Variants in IPO8 observed in about 807,000 individuals in gnomAD.
IPO8 encodes importin 8.
In IPO8, 65 loss-of-function variants were observed where a neutral mutation model predicts 141.2. That is an observed-to-expected ratio of 0.46 (90% CI 0.38 to 0.57). The LOEUF is 0.57. Among genes scored for constraint, IPO8 ranks in the 20% least tolerant of loss-of-function variants. IPO8 has a pLI of 0.00. For missense variants in IPO8, 980 were observed against 1,246.8 expected, an observed-to-expected ratio of 0.79 and a Z score of 3.22; for synonymous variants, 411 against 420.3, an observed-to-expected ratio of 0.98 and a Z score of 0.27.
chr12:30,644,053 A>T (rs1274944392), intron 20 of IPO8, among the ~76,000 whole-genome samples: 2 of 152,216 alleles, frequency 1.3e-5, no homozygotes, highest in East Asian at 3.8e-4. Context: ...ACATAATAAC[A>T]AAGGGAGAAA....
chr12:30,693,201 C>G (rs1224799528), intron 1 of IPO8, among the ~76,000 whole-genome samples: 1 of 152,176 alleles, frequency 6.6e-6, no homozygotes, highest in Non-Finnish European at 1.5e-5. Context: ...ATTCCTATTC[C>G]TCTATGCTGC....
chr12:30,662,252 A>T (rs1478594844), intron 15 of IPO8, 75 bp downstream of exon 15: 1 of 1,188,518 alleles, frequency 8.4e-7, no homozygotes, highest in Non-Finnish European at 1.2e-6. Flanking sequence ...AATAAAACTG[A>T]ACTCCATATT....
chr12:30,691,502 C>T (rs2053290835), intron 1 of IPO8, among the ~76,000 whole-genome samples: 1 of 152,208 alleles, frequency 6.6e-6, no homozygotes, highest in South Asian at 2.1e-4. Flanking sequence ...TACAGAGCAT[C>T]CACTCCTTCT....
At chr12:30,656,484 T>C (rs1442958231) in intron 17 of IPO8, among the ~76,000 whole-genome samples, 200 bp downstream of exon 17, 2 of 152,194 alleles carry the variant, frequency 1.3e-5, no homozygotes, top group Non-Finnish European at 2.9e-5. Context: ...TCAAAAATTA[T>C]TCGTTGGATG....
At chr12:30,671,680 A>G (rs1476494496) in intron 8 of IPO8, among the ~76,000 whole-genome samples, 5 of 149,784 alleles carry the variant, frequency 3.3e-5, no homozygotes, top group African/African-American at 2.4e-5. Context: ...GCCTCAAAAA[A>G]AAAAAAAAAA....
intron 17 of IPO8, 126 bp downstream of exon 17, chr12:30,656,558 G>A (rs7974489): frequency 0.96 from 488,027 of 507,938 alleles, 234,576 homozygotes; most frequent in East Asian, 1. Flanking sequence ...TCCAAAAATT[G>A]AAGTGATTAT....
intron 17 of IPO8, 32 bp downstream of exon 17, chr12:30,656,652 A>G (rs963641966): frequency 1.2e-5 from 16 of 1,373,178 alleles, no homozygotes; most frequent in African/African-American, 1.5e-5. Flanking sequence ...AAATTTTTTC[A>G]ATTTATCTTT....
In IPO8 at chr12:30,630,656, T is replaced by G. The variant is rs1323652870; in HGVS notation, c.*204A>C. 7.7e-6 allele frequency: 4 copies of G among 519,872 alleles called. No homozygotes were observed. The highest frequency in any genetic ancestry group is 3.9e-5 in the African/African-American group (2 of 50,988). The allele number at this position is 519,872 out of a possible 1,614,324, so 32.2% of individuals were successfully genotyped here. On this transcript the variant is annotated 3_prime_UTR_variant, in exon 25 of 25. Coordinates refer to ENST00000256079, the MANE Select transcript of IPO8 (RefSeq NM_006390.4). ...TGATTGTTTTTCTTTCATTTCATAC[T>G]TACAGTAGCTGTTTAAAATATATAT...
intron 24 of IPO8, 174 bp downstream of exon 24, chr12:30,631,721 A>G (rs2136120958): frequency 1.8e-6 from 1 of 541,472 alleles, no homozygotes; most frequent in South Asian, 2.4e-5. Context: ...TGCAAAGCTA[A>G]GACATCATGA....
intron 5 of IPO8, 93 bp downstream of exon 5, chr12:30,680,389 A>C (rs532289554): frequency 2.1e-6 from 2 of 965,894 alleles, no homozygotes; most frequent in Non-Finnish European, 3.0e-6. Context: ...AATACAAAAT[A>C]ATTTTTAATA....
intron 2 of IPO8, 144 bp downstream of exon 2, chr12:30,690,352 T>C: frequency 1.7e-6 from 1 of 576,014 alleles, no homozygotes; most frequent in Non-Finnish European, 3.0e-6. Context: ...AAAAAGAAAG[T>C]GAGTTTTGAA....
rs1305476143 is a variant in IPO8 at position 30,630,770 on chromosome 12, A to G, written c.*90T>C. On this transcript the variant is annotated 3_prime_UTR_variant, in exon 25 of 25. Transcript: ENST00000256079. ...ACTGGCACAGCAGGAGGGCCCTAAA[A>G]GCAGCCCCTCATTTCATCCCCTTGA... The G allele has an allele frequency of 3.0e-6, 3 of 1,012,814 alleles. No individual in the cohort carries two copies. In the East Asian group the frequency reaches 7.2e-5, roughly 24 times the overall value. The allele number at this position is 1,012,814 out of a possible 1,614,324, so 62.7% of individuals were successfully genotyped here. A position where few individuals can be genotyped will look rare whatever the true frequency, so the allele number is the denominator to read the frequency against.
rs887838421 is a variant in IPO8, at chr12:30,637,528, G to T, written c.2490-341C>A. ...GACAGCATAAAAGTCCTATACAATG[G>T]TTGGGGGGAATGAAGAGTTTCTTAG... On this transcript the variant is annotated intron_variant, in intron 21 of 24. Transcript: ENST00000256079. Among the ~76,000 whole-genome samples, 4 of 152,226 alleles carry T rather than the reference G, an allele frequency of 2.6e-5. No homozygotes were observed. The East Asian group carries it at 7.7e-4, about 29-fold the overall frequency.
intron 9 of IPO8, 104 bp from the exon 10 acceptor site, chr12:30,669,386 C>T (rs1391205966): frequency 1.9e-6 from 1 of 530,558 alleles, no homozygotes; most frequent in East Asian, 3.0e-5. Flanking sequence ...TGTTAGTTTT[C>T]CAAACTCTGT....
In IPO8 at chr12:30,675,494, A is replaced by T. The variant is rs554265385; in HGVS notation, c.730-741T>A. Among the ~76,000 whole-genome samples, 592 of 152,264 alleles carry T rather than the reference A, an allele frequency of 3.9e-3. 1 individual carries two copies. The highest frequency in any genetic ancestry group is 5.6e-3 in the Non-Finnish European group (380 of 68,016). ...TTCTTAAGAGTTAAAACACTAAAAA[A>T]TTAAAGCCTAAACATCCAGCAAGTA... On this transcript the variant is annotated intron_variant, in intron 6 of 24. Coordinates refer to ENST00000256079, the MANE Select transcript of IPO8 (RefSeq NM_006390.4).
At chr12:30,646,230 T>A (rs890493360) in intron 20 of IPO8, among the ~76,000 whole-genome samples, 3 of 152,174 alleles carry the variant, frequency 2.0e-5, no homozygotes, top group Non-Finnish European at 4.4e-5. Context: ...ATGTAATACA[T>A]CTCTATTCTA....
intron 6 of IPO8, among the ~76,000 whole-genome samples, chr12:30,675,768 C>T (rs1319579318): frequency 2.0e-5 from 3 of 149,616 alleles, no homozygotes; most frequent in African/African-American, 4.9e-5. Context: ...GGTGTGAACC[C>T]GGGAGGCGGA....
At chr12:30,665,376 T>A in intron 12 of IPO8, 67 bp from the exon 13 acceptor site, 1 of 903,674 alleles carries the variant, frequency 1.1e-6, no homozygotes, top group Non-Finnish European at 1.8e-6. Flanking sequence ...CCTAATCAAG[T>A]GTGTTTACTA....
At chr12:30,693,694 C>T (rs1720261332) in intron 1 of IPO8, among the ~76,000 whole-genome samples, 1 of 152,096 alleles carries the variant, frequency 6.6e-6, no homozygotes, top group African/African-American at 2.4e-5. Context: ...TATTTACAGC[C>T]AATTCAAAAA....
Sources: gnomAD v4.1 joint callset for allele counts (sites outside exome capture counted in the v4.1 genomes callset) on GRCh38, gnomAD v4.1.1 for gene constraint, MANE v1.5 for transcripts, NCBI Gene and HGNC (gene_info 2026-07-23, HGNC 2026-07-21) for gene names.